Variants in ADCY2 observed in about 807,000 individuals in gnomAD.
ADCY2 encodes adenylate cyclase 2.
A neutral mutation model predicts 125.2 loss-of-function variants in ADCY2; 31 were observed. The observed-to-expected ratio is 0.25, with a 90% confidence interval of 0.19 to 0.33. ADCY2 has a LOEUF of 0.33. Among genes scored for constraint, ADCY2 ranks in the 10% least tolerant of loss-of-function variants. The probability of loss-of-function intolerance (pLI) is 1.00; values close to 1 mark genes in which losing one functional copy is unlikely to be tolerated. For synonymous variants in ADCY2, 512 were observed against 548.4 expected (o/e 0.93, Z 0.93); for missense variants, 904 against 1,418.2 (o/e 0.64, Z 5.82).
chr5:7,759,853 C>T (rs1041081913), intron 16 of ADCY2, among the ~76,000 whole-genome samples: 1 of 151,002 alleles, frequency 6.6e-6, no homozygotes, highest in African/African-American at 2.4e-5. Context: ...CTACCTGAGG[C>T]ACCTGCTCAT....
chr5:7,513,102 CACACAG>C (rs1236451292), intron 2 of ADCY2, among the ~76,000 whole-genome samples: 5 of 146,388 alleles, frequency 3.4e-5, no homozygotes, highest in African/African-American at 7.4e-5. Context: ...CACACACACA[CACACAG>C]AGAGAGAGAG....
At chr5:7,825,650 G>C (rs1561049417) in intron 24 of ADCY2, among the ~76,000 whole-genome samples, 3 of 152,228 alleles carry the variant, frequency 2.0e-5, no homozygotes. Flanking sequence ...GGGACACTGG[G>C]TGGAGGAGCA....
intron 3 of ADCY2, among the ~76,000 whole-genome samples, chr5:7,522,855 G>A (rs902898975): frequency 2.0e-5 from 3 of 151,462 alleles, no homozygotes; most frequent in Non-Finnish European, 4.4e-5. Context: ...GAACCCAGGA[G>A]GCGGAGCTTG....
chr5:7,416,390 G>C (rs1015564880), intron 2 of ADCY2, among the ~76,000 whole-genome samples: 1 of 152,172 alleles, frequency 6.6e-6, no homozygotes, highest in Non-Finnish European at 1.5e-5. Flanking sequence ...CCCATGCTCT[G>C]TCTGGCTTCT....
At chr5:7,588,411 T>C (rs1467252047) in intron 3 of ADCY2, among the ~76,000 whole-genome samples, 1 of 152,202 alleles carries the variant, frequency 6.6e-6, no homozygotes, top group East Asian at 1.9e-4. Flanking sequence ...ACTGGGCCTT[T>C]TTTGGTAACT....
intron 2 of ADCY2, among the ~76,000 whole-genome samples, chr5:7,478,326 C>CAT (rs1742596283): frequency 6.6e-6 from 1 of 152,148 alleles, no homozygotes; most frequent in Non-Finnish European, 1.5e-5. Flanking sequence ...CATTAACTAG[C>CAT]ATATGCAATT....
At chr5:7,686,146 G>T (rs1740512130) in intron 4 of ADCY2, among the ~76,000 whole-genome samples, 1 of 151,646 alleles carries the variant, frequency 6.6e-6, no homozygotes, top group South Asian at 2.1e-4. Flanking sequence ...GAAGGAACAG[G>T]GTATAGTATG....
intron 14 of ADCY2, among the ~76,000 whole-genome samples, chr5:7,737,288 A>G (rs1742277764): frequency 6.6e-6 from 1 of 152,168 alleles, no homozygotes; most frequent in Non-Finnish European, 1.5e-5. Context: ...ACCTCCTACC[A>G]CCTCTAGACT....
intron 2 of ADCY2, among the ~76,000 whole-genome samples, chr5:7,496,928 G>C (rs746089244): frequency 6.6e-6 from 1 of 152,030 alleles, no homozygotes; most frequent in African/African-American, 2.4e-5. Flanking sequence ...GGCATTAATC[G>C]TTTTAGGTCA....
chr5:7,823,956 G>A (rs1745383515), intron 24 of ADCY2, among the ~76,000 whole-genome samples: 1 of 152,184 alleles, frequency 6.6e-6, no homozygotes, highest in African/African-American at 2.4e-5. Context: ...AAACAAGACA[G>A]GTTTCTGCCT....
chr5:7,674,080 C>CCT (rs1554030724), intron 4 of ADCY2, among the ~76,000 whole-genome samples: 1 of 1,602 alleles, frequency 6.2e-4, no homozygotes, highest in Admixed American at 0.019. Flanking sequence ...CCAGTCTCAG[C>CCT]GTGTGTCGTC....
At chr5:7,786,731 A>G (rs1303393764) in intron 19 of ADCY2, among the ~76,000 whole-genome samples, 1 of 152,222 alleles carries the variant, frequency 6.6e-6, no homozygotes, top group African/African-American at 2.4e-5. Context: ...GAGGTGGGAT[A>G]CATTTATACT....
intron 23 of ADCY2, among the ~76,000 whole-genome samples, chr5:7,819,747 TA>T (rs1466306074): frequency 3.3e-5 from 5 of 152,200 alleles, no homozygotes; most frequent in African/African-American, 1.2e-4. Context: ...AGTGGAAGAA[TA>T]ATATTGCCAA....
intron 19 of ADCY2, among the ~76,000 whole-genome samples, chr5:7,787,510 T>C (rs1489392018): frequency 6.6e-6 from 1 of 152,248 alleles, no homozygotes; most frequent in Non-Finnish European, 1.5e-5. Context: ...TATTATTCAA[T>C]GCATTCCATT....
At chr5:7,660,852 C>T (rs545491735) in intron 4 of ADCY2, among the ~76,000 whole-genome samples, 8 of 152,210 alleles carry the variant, frequency 5.3e-5, no homozygotes, top group African/African-American at 1.9e-4. Context: ...GGCACAATGG[C>T]CTACTGAAGC....
At chr5:7,695,089 G>A (rs1373176833) in intron 5 of ADCY2, among the ~76,000 whole-genome samples, 1 of 152,212 alleles carries the variant, frequency 6.6e-6, no homozygotes, top group Non-Finnish European at 1.5e-5. Context: ...TCAGAAACAT[G>A]TTATTGTGTA....
intron 2 of ADCY2, among the ~76,000 whole-genome samples, chr5:7,438,358 C>T (rs1740886167): frequency 1.3e-5 from 2 of 152,190 alleles, no homozygotes; most frequent in Non-Finnish European, 2.9e-5. Flanking sequence ...TACACTCTAC[C>T]AGGAGAAGGA....
In ADCY2 at chr5:7,627,134, G is replaced by A. The variant is rs552465028; in HGVS notation, c.720+818G>A. On this transcript the variant is annotated intron_variant, in intron 4 of 24. Coordinates refer to ENST00000338316, the MANE Select transcript of ADCY2 (RefSeq NM_020546.3). ...GTGCCATCACAGCACTTCCTACAGCGCCTGTTGTCCACATAGGATGAAATG... is the reference window on the plus strand; with the variant it reads ...GTGCCATCACAGCACTTCCTACAGCACCTGTTGTCCACATAGGATGAAATG... Among the ~76,000 whole-genome samples, 28 of 152,204 alleles carry A rather than the reference G, an allele frequency of 1.8e-4. 2 individuals are homozygous for A. In the South Asian group the frequency reaches 3.5e-3, roughly 19 times the overall value.
chr5:7,456,978 T>G (rs1327704490), intron 2 of ADCY2, among the ~76,000 whole-genome samples: 1 of 152,198 alleles, frequency 6.6e-6, no homozygotes, highest in African/African-American at 2.4e-5. Flanking sequence ...ATAACTTGAT[T>G]AGCAAAAGCT....
Sources: gnomAD v4.1 joint callset for allele counts (sites outside exome capture counted in the v4.1 genomes callset) on GRCh38, gnomAD v4.1.1 for gene constraint, MANE v1.5 for transcripts, NCBI Gene and HGNC (gene_info 2026-07-23, HGNC 2026-07-21) for gene names.